The following PATJ variants were observed in gnomAD, a reference collection of about 807,000 sequenced individuals.
PATJ encodes PATJ crumbs cell polarity complex component.
PATJ carries 190 observed loss-of-function variants against 224.9 expected under a neutral mutation model. The ratio of observed to expected loss-of-function variants is 0.84; its 90% CI spans 0.75 to 0.95. The LOEUF is 0.95. Ranked by LOEUF, PATJ falls within the 40% of genes least tolerant of loss-of-function variation. The pLI, the probability that PATJ is intolerant of heterozygous loss-of-function variation, is 0.00. For missense variants in PATJ, 2,121 were observed against 2,270.3 expected, an observed-to-expected ratio of 0.93 and a Z score of 1.34; for synonymous variants, 769 against 820.3, an observed-to-expected ratio of 0.94 and a Z score of 1.07.
rs747861719 is a variant in PATJ at position 62,148,391 on chromosome 1, G to A, written c.5378+1G>A. 1.2e-6 allele frequency: 2 copies of A among 1,606,090 alleles called. No homozygotes were observed. Among genetic ancestry groups the A allele is most frequent in the Admixed American group, 3.3e-5 (2 of 59,998 alleles). ...CTGAACACCATCCAGAAGACACAGA[G>A]TGAGTATTTCAGATGCAGAGGGCCT... On this transcript the variant is annotated splice_donor_variant, in intron 42 of 43. Transcript: ENST00000642238. LOFTEE classifies it high-confidence loss of function.
intron 19 of PATJ, among the ~76,000 whole-genome samples, chr1:61,861,896 C>G (rs1664673454): frequency 6.6e-6 from 1 of 152,148 alleles, no homozygotes; most frequent in African/African-American, 2.4e-5. Context: ...GGATCTCCCT[C>G]TGTCACCCAG....
intron 15 of PATJ, among the ~76,000 whole-genome samples, 155 bp from the exon 16 acceptor site, chr1:61,827,267 T>C (rs1658435728): frequency 6.6e-6 from 1 of 152,158 alleles, no homozygotes; most frequent in Admixed American, 6.5e-5. Context: ...TGCATATTAT[T>C]TAATCATAAA....
At chr1:62,045,423 C>G (rs1437412674) in intron 30 of PATJ, among the ~76,000 whole-genome samples, 1 of 152,136 alleles carries the variant, frequency 6.6e-6, no homozygotes, top group Admixed American at 6.5e-5. Flanking sequence ...CTTCTGCAAT[C>G]ACTTATGTGG....
At chr1:61,937,591 A>G (rs1429722366) in intron 27 of PATJ, among the ~76,000 whole-genome samples, 1 of 152,030 alleles carries the variant, frequency 6.6e-6, no homozygotes, top group African/African-American at 2.4e-5. Flanking sequence ...AAATTGACTT[A>G]GAGATAAAAT....
chr1:61,981,536 C>T (rs56666038), intron 27 of PATJ, among the ~76,000 whole-genome samples: 13,048 of 151,772 alleles, frequency 0.086, 1,155 homozygotes, highest in East Asian at 0.4. Flanking sequence ...CAGGAGCCTT[C>T]AGAAAGAAAG....
At chr1:61,781,138 G>A (rs1647254869) in intron 7 of PATJ, among the ~76,000 whole-genome samples, 1 of 152,200 alleles carries the variant, frequency 6.6e-6, no homozygotes, top group African/African-American at 2.4e-5. Flanking sequence ...GCCCGTACCT[G>A]TTTGATTCTG....
intron 27 of PATJ, among the ~76,000 whole-genome samples, chr1:61,970,378 C>T (rs1017101560): frequency 1.3e-5 from 2 of 151,940 alleles, no homozygotes; most frequent in African/African-American, 2.4e-5. Context: ...TACATTGACA[C>T]GTCATTATCA....
At chr1:62,100,432 A>AG (rs1445708056) in intron 33 of PATJ, 2 of 717,496 alleles carry the variant, frequency 2.8e-6, no homozygotes, top group South Asian at 3.0e-5. Flanking sequence ...GCAGAGAGGG[A>AG]GGGGGGCTGA....
intron 27 of PATJ, among the ~76,000 whole-genome samples, chr1:61,970,708 G>A (rs147808526): frequency 6.6e-6 from 1 of 152,174 alleles, no homozygotes; most frequent in African/African-American, 2.4e-5. Flanking sequence ...TGCCCAGGCT[G>A]GTCTCAAACT....
intron 33 of PATJ, among the ~76,000 whole-genome samples, chr1:62,095,991 A>G (rs879915614): frequency 1.5e-4 from 23 of 152,280 alleles, no homozygotes; most frequent in Admixed American, 9.8e-4. Flanking sequence ...TACTCTCTCA[A>G]TGAAGCACAT....
At chr1:62,098,514 G>A (rs1016800400) in intron 33 of PATJ, among the ~76,000 whole-genome samples, 1 of 152,010 alleles carries the variant, frequency 6.6e-6, no homozygotes, top group African/African-American at 2.4e-5. Flanking sequence ...AGAATCACTT[G>A]AACCCAGGAG....
chr1:62,087,616 T>C (rs1446808471), intron 33 of PATJ, among the ~76,000 whole-genome samples: 1 of 151,906 alleles, frequency 6.6e-6, no homozygotes, highest in Non-Finnish European at 1.5e-5. Context: ...ACATGTTTGC[T>C]GGTCATGGTC....
At position 61,914,694 on chromosome 1, in the gene PATJ, A is replaced by ATGTTTTTGTTTTGTTTT. The variant is rs564161397; in HGVS notation, c.3570+43_3570+59dup. ...CTTGAACCTCTCAAGGATTTAAAAA[A>ATGTTTTTGTTTTGTTTT]TGTTTTTGTTTTGTTTTTGTTTTTG... is the stretch of plus-strand genomic sequence containing the variant. On this transcript the variant is annotated intron_variant, in intron 26 of 43. Transcript: ENST00000642238. The ATGTTTTTGTTTTGTTTT allele has an allele frequency of 3.1e-5, 43 of 1,408,208 alleles. 1 individual carries two copies. The highest frequency in any genetic ancestry group is 4.2e-5 in the Non-Finnish European group (42 of 1,008,728). 87.2% of individuals were successfully genotyped at this position (1,408,208 alleles called of 1,614,324 possible).
chr1:61,795,663 G>T, intron 10 of PATJ, 105 bp downstream of exon 10: 1 of 575,896 alleles, frequency 1.7e-6, no homozygotes, highest in Non-Finnish European at 2.9e-6. Flanking sequence ...GTTTTATAAG[G>T]TTTTTTAAAA....
intron 28 of PATJ, among the ~76,000 whole-genome samples, chr1:61,998,095 T>C (rs1331605181): frequency 7.1e-6 from 1 of 141,176 alleles, no homozygotes; most frequent in African/African-American, 2.6e-5. Flanking sequence ...TTTTTTTCTT[T>C]TTGAGAAAGA....
At chr1:61,830,670 T>A (rs554499556) in intron 16 of PATJ, among the ~76,000 whole-genome samples, 80 of 152,082 alleles carry the variant, frequency 5.3e-4, no homozygotes, top group African/African-American at 1.9e-3. Context: ...ATAGTATTGG[T>A]ACAAAAATAG....
At chr1:62,160,865 T>A in intron 43 of PATJ, 43 bp from the exon 44 acceptor site, 3 of 1,603,914 alleles carry the variant, frequency 1.9e-6, no homozygotes, top group Non-Finnish European at 2.6e-6. Context: ...TAATATAAAC[T>A]GTGTTTTACC....
chr1:62,044,653 A>G (rs1316211266), intron 30 of PATJ, among the ~76,000 whole-genome samples: 3 of 152,206 alleles, frequency 2.0e-5, no homozygotes, highest in Admixed American at 6.5e-5. Context: ...TTAAAGTACT[A>G]ACTGAGATGG....
At chr1:61,917,678 A>G (rs1439298657) in intron 26 of PATJ, among the ~76,000 whole-genome samples, 1 of 152,052 alleles carries the variant, frequency 6.6e-6, no homozygotes, top group South Asian at 2.1e-4. Flanking sequence ...ATACTGTCCT[A>G]TCTGGCTTTG....
Sources: gnomAD v4.1 joint callset for allele counts (sites outside exome capture counted in the v4.1 genomes callset) on GRCh38, gnomAD v4.1.1 for gene constraint, MANE v1.5 for transcripts, NCBI Gene and HGNC (gene_info 2026-07-23, HGNC 2026-07-21) for gene names.